Variants in OSBP2 observed in about 807,000 individuals in gnomAD.
The protein encoded by OSBP2 is oxysterol binding protein 2.
A neutral mutation model predicts 96.0 loss-of-function variants in OSBP2; 66 were observed. The ratio of observed to expected loss-of-function variants is 0.69; its 90% CI spans 0.56 to 0.84. OSBP2 has a LOEUF of 0.84. OSBP2 is among the 40% of genes least tolerant of loss of function. The pLI is 0.00. For missense variants in OSBP2, 1,038 were observed against 1,222.7 expected (o/e 0.85, Z 2.25); for synonymous variants, 525 against 520.9 (o/e 1.01, Z -0.11).
intron 2 of OSBP2, among the ~76,000 whole-genome samples, chr22:30,790,456 A>C (rs750745181): frequency 2.0e-5 from 3 of 152,064 alleles, no homozygotes; most frequent in Non-Finnish European, 4.4e-5. Context: ...GAGGCTCCTC[A>C]TTAGTCTTGG....
chr22:30,843,038 C>G (rs57707485), intron 2 of OSBP2, among the ~76,000 whole-genome samples: 23,256 of 152,172 alleles, frequency 0.15, 2,091 homozygotes, highest in East Asian at 0.25. Context: ...CCCACCTCAG[C>G]CTCCCAAAGT....
chr22:30,888,970 GAT>G (rs2039880899), intron 5 of OSBP2, among the ~76,000 whole-genome samples: 1 of 152,118 alleles, frequency 6.6e-6, no homozygotes, highest in African/African-American at 2.4e-5. Flanking sequence ...TTAAAAATAC[GAT>G]ATGATAGTCT....
intron 2 of OSBP2, among the ~76,000 whole-genome samples, chr22:30,755,294 C>T (rs1192552480): frequency 1.3e-5 from 2 of 152,186 alleles, no homozygotes; most frequent in African/African-American, 4.8e-5. Flanking sequence ...ATGTCCTGGG[C>T]CACAGATCAG....
chr22:30,713,273 G>C (rs896389363), intron 1 of OSBP2, among the ~76,000 whole-genome samples: 3 of 151,694 alleles, frequency 2.0e-5, no homozygotes, highest in Non-Finnish European at 4.4e-5. Flanking sequence ...TAGAGACAGG[G>C]TTTCACCGTG....
intron 2 of OSBP2, among the ~76,000 whole-genome samples, chr22:30,833,558 A>T (rs1602331194): frequency 6.6e-6 from 1 of 152,160 alleles, no homozygotes; most frequent in African/African-American, 2.4e-5. Flanking sequence ...GTGGCAGCTG[A>T]GACATTGACG....
intron 2 of OSBP2, among the ~76,000 whole-genome samples, chr22:30,860,391 C>A (rs2039186584): frequency 6.6e-6 from 1 of 152,162 alleles, no homozygotes; most frequent in Non-Finnish European, 1.5e-5. Context: ...GGTCCCTGGT[C>A]TTAACCACAG....
intron 2 of OSBP2, among the ~76,000 whole-genome samples, chr22:30,857,355 G>A (rs1477953842): frequency 6.6e-6 from 1 of 152,180 alleles, no homozygotes; most frequent in African/African-American, 2.4e-5. Flanking sequence ...CGAGGCCCAG[G>A]GGAGGGCACC....
chr22:30,765,531 A>G (rs1490195620), intron 2 of OSBP2, among the ~76,000 whole-genome samples: 1 of 152,140 alleles, frequency 6.6e-6, no homozygotes, highest in Admixed American at 6.6e-5. Flanking sequence ...TATAATAAAC[A>G]TTCTACACAG....
chr22:30,748,017 C>G (rs895023991), intron 2 of OSBP2, among the ~76,000 whole-genome samples: 2 of 150,948 alleles, frequency 1.3e-5, no homozygotes, highest in Admixed American at 1.3e-4. Context: ...GCTGGGACTA[C>G]AGGCACCCAC....
At chr22:30,754,275 C>T (rs1291904674) in intron 2 of OSBP2, among the ~76,000 whole-genome samples, 1 of 152,170 alleles carries the variant, frequency 6.6e-6, no homozygotes, top group East Asian at 1.9e-4. Flanking sequence ...TTGGAAGGCT[C>T]CTGTTCTGTG....
chr22:30,827,072 A>C (rs1221301908), intron 2 of OSBP2, among the ~76,000 whole-genome samples: 2 of 152,088 alleles, frequency 1.3e-5, no homozygotes, highest in Non-Finnish European at 2.9e-5. Context: ...CCAGCTGTGT[A>C]TTGGAGGATG....
At chr22:30,818,100 G>A (rs1216122704) in intron 2 of OSBP2, among the ~76,000 whole-genome samples, 1 of 152,110 alleles carries the variant, frequency 6.6e-6, no homozygotes, top group Non-Finnish European at 1.5e-5. Context: ...GTTTCGCCAT[G>A]TTGCCCAAGC....
At chr22:30,863,356 G>A (rs35683429) in intron 2 of OSBP2, among the ~76,000 whole-genome samples, 14,378 of 152,116 alleles carry the variant, frequency 0.095, 750 homozygotes, top group Non-Finnish European at 0.11. Flanking sequence ...GTTTTCTGGC[G>A]AGGGTGCAGT....
intron 2 of OSBP2, among the ~76,000 whole-genome samples, chr22:30,746,353 G>T (rs992898432): frequency 6.6e-6 from 1 of 152,016 alleles, no homozygotes; most frequent in Non-Finnish European, 1.5e-5. Flanking sequence ...GACCCCCAGA[G>T]GTTGAGGCTT....
intron 2 of OSBP2, among the ~76,000 whole-genome samples, chr22:30,792,635 G>C (rs2090692354): frequency 1.3e-5 from 2 of 152,200 alleles, no homozygotes; most frequent in African/African-American, 4.8e-5. Flanking sequence ...CAAGCAAAAT[G>C]AACTGTACTC....
At chr22:30,701,005 G>C (rs2089151594) in intron 1 of OSBP2, among the ~76,000 whole-genome samples, 1 of 151,688 alleles carries the variant, frequency 6.6e-6, no homozygotes, top group Admixed American at 6.6e-5. Context: ...TGAGGCAGGA[G>C]AATTGCTTGA....
At chr22:30,727,613 C>T (rs1268678941) in intron 1 of OSBP2, among the ~76,000 whole-genome samples, 1 of 152,176 alleles carries the variant, frequency 6.6e-6, no homozygotes, top group African/African-American at 2.4e-5. Flanking sequence ...CTGGGCACTG[C>T]TGCCTCTGCT....
At chr22:30,840,099 A>G (rs977348710) in intron 2 of OSBP2, among the ~76,000 whole-genome samples, 6 of 145,420 alleles carry the variant, frequency 4.1e-5, no homozygotes, top group African/African-American at 1.5e-4. Context: ...TGGGTGATAT[A>G]CCTAATGCTA....
At chr22:30,864,358 G>A (rs564663021) in intron 2 of OSBP2, among the ~76,000 whole-genome samples, 8 of 152,320 alleles carry the variant, frequency 5.3e-5, no homozygotes, top group African/African-American at 1.9e-4. Flanking sequence ...AGGGCCCCAG[G>A]CACTGTACCA....
Sources: gnomAD v4.1 joint callset for allele counts (sites outside exome capture counted in the v4.1 genomes callset) on GRCh38, gnomAD v4.1.1 for gene constraint, MANE v1.5 for transcripts, NCBI Gene and HGNC (gene_info 2026-07-23, HGNC 2026-07-21) for gene names.